USP54: variants seen among roughly 807,000 people sequenced by gnomAD.
USP54 encodes the protein ubiquitin specific peptidase 54.
A neutral mutation model predicts 170.5 loss-of-function variants in USP54; 87 were observed. The ratio of observed to expected loss-of-function variants is 0.51; its 90% confidence interval spans 0.43 to 0.61. USP54 has a LOEUF of 0.61. USP54 is among the 20% of genes least tolerant of loss of function. The pLI, the probability that USP54 is intolerant of heterozygous loss-of-function variation, is 0.00. For synonymous variants in USP54, 655 were observed against 742.8 expected, an observed-to-expected ratio of 0.88 and a Z score of 1.92; for missense variants, 1,786 against 2,047.8, an observed-to-expected ratio of 0.87 and a Z score of 2.47.
chr10:73,539,518 T>C lies in USP54; in HGVS notation c.901A>G (p.Lys301Glu). Residue 301 changes from lysine (K) to glutamate (E), a missense_variant, in exon 10 of 24, where the codon AAA (lysine) becomes GAA (glutamate). This residue lies in a region of USP54 where 361 missense variants were observed against 455.0 expected (regional missense o/e 0.79). Coordinates refer to ENST00000687698, the MANE Select transcript of USP54 (RefSeq NM_001391956.1). Reference protein sequence around the residue: ...YLVGMICYYGKHYSTFFFQTK... With the variant: ...YLVGMICYYGEHYSTFFFQTK... ...TGAAAAAAGAATGTAGAATAATGTTTGCCATAGTAACAGATCATTCCAACT... is the reference window on the plus strand; with the variant it reads ...TGAAAAAAGAATGTAGAATAATGTTCGCCATAGTAACAGATCATTCCAACT... The C allele has an allele frequency of 6.2e-7, 1 of 1,612,484 alleles. No homozygotes were observed. The highest frequency in any genetic ancestry group is 8.5e-7 in the Non-Finnish European group (1 of 1,178,918).
intron 12 of USP54, among the ~76,000 whole-genome samples, chr10:73,534,352 G>A (rs2064763470): frequency 6.6e-6 from 1 of 152,024 alleles, no homozygotes; most frequent in Admixed American, 6.6e-5. Flanking sequence ...GACTACAGGT[G>A]CCTGCCACCA....
At chr10:73,537,146 A>C (rs191032705) in intron 10 of USP54, among the ~76,000 whole-genome samples, 1 of 152,342 alleles carries the variant, frequency 6.6e-6, no homozygotes, top group East Asian at 1.9e-4. Context: ...GACAACTAGC[A>C]TAGTGATATG....
At chr10:73,625,342 T>C (rs1007526898) in intron 1 of USP54, among the ~76,000 whole-genome samples, 2 of 151,170 alleles carry the variant, frequency 1.3e-5, no homozygotes, top group Non-Finnish European at 2.9e-5. Flanking sequence ...ATCTCAAGAG[T>C]GTCCGTGGGG....
intron 1 of USP54, among the ~76,000 whole-genome samples, chr10:73,625,295 C>T (rs2081437189): frequency 6.7e-6 from 1 of 148,178 alleles, no homozygotes; most frequent in Non-Finnish European, 1.5e-5. Flanking sequence ...AAAGAACCTT[C>T]CCAACTAATA....
intron 16 of USP54, among the ~76,000 whole-genome samples, chr10:73,524,107 C>T (rs2062429921): frequency 6.7e-6 from 1 of 149,368 alleles, no homozygotes; most frequent in Admixed American, 6.7e-5. Context: ...GGGGTTTCAC[C>T]ATGTTGGTCA....
chr10:73,592,130 C>A (rs551530736), upstream of USP54, among the ~76,000 whole-genome samples: 4 of 151,930 alleles, frequency 2.6e-5, no homozygotes, highest in South Asian at 8.3e-4. Flanking sequence ...ATCAGTCAAC[C>A]GAGAACTTGC....
chr10:73,564,102 A>G (rs1280951618), intron 4 of USP54, among the ~76,000 whole-genome samples: 1 of 151,964 alleles, frequency 6.6e-6, no homozygotes, highest in Non-Finnish European at 1.5e-5. Flanking sequence ...CCTGGGCTCA[A>G]GTGAACCTCC....
intron 17 of USP54, 113 bp downstream of exon 17, chr10:73,523,470 A>C: frequency 7.6e-7 from 1 of 1,309,686 alleles, no homozygotes; most frequent in Non-Finnish European, 1.0e-6. Context: ...GTGAATTAAG[A>C]CTTAAAAAAT....
At chr10:73,594,794 G>T (rs181549750), upstream of USP54, among the ~76,000 whole-genome samples, 39 of 152,150 alleles carry the variant, frequency 2.6e-4, no homozygotes, top group African/African-American at 9.2e-4. Flanking sequence ...TAGCTAATAA[G>T]GAACCTAAGA....
chr10:73,605,949 G>A (rs189822658), intron 1 of USP54, among the ~76,000 whole-genome samples: 23 of 151,950 alleles, frequency 1.5e-4, no homozygotes, highest in Admixed American at 1.2e-3. Context: ...AGGCCAAGGC[G>A]GGTGGATCAC....
At chr10:73,625,357 TC>T (rs1036415218) in intron 1 of USP54, among the ~76,000 whole-genome samples, 1 of 151,956 alleles carries the variant, frequency 6.6e-6, no homozygotes, top group Non-Finnish European at 1.5e-5. Flanking sequence ...GTGGGGTATC[TC>T]TCCGGAAAGA....
At chr10:73,505,201 C>T in intron 21 of USP54, 107 bp downstream of exon 21, 2 of 1,261,236 alleles carry the variant, frequency 1.6e-6, no homozygotes, top group Non-Finnish European at 2.2e-6. Context: ...TCTGATAGCC[C>T]CATATCACCA....
rs1017622281 is a variant in USP54 at position 73,498,467 on chromosome 10, G to C, written c.*162C>G. ...ATTTTTTGTATTTTGGTAGAGACGG[G>C]GTTTCACCATGTTGGCCAGGATGGT... On this transcript the variant is annotated 3_prime_UTR_variant, in exon 24 of 24. Coordinates refer to ENST00000687698, the MANE Select transcript of USP54 (RefSeq NM_001391956.1). 9.1e-6 allele frequency: 5 copies of C among 552,166 alleles called. No homozygotes were observed. Among genetic ancestry groups the C allele is most frequent in the Non-Finnish European group, 1.4e-5 (5 of 346,684 alleles). 34.2% of individuals were successfully genotyped at this position (552,166 alleles called of 1,614,324 possible).
intron 1 of USP54, among the ~76,000 whole-genome samples, chr10:73,600,977 C>G (rs2079123877): frequency 6.6e-6 from 1 of 152,198 alleles, no homozygotes; most frequent in Admixed American, 6.5e-5. Flanking sequence ...GTACATCAAA[C>G]CCCTGTAACA....
Position 73,498,823 on chromosome 10 carries a change from C to G in USP54, c.4861G>C (p.Asp1621His), listed in dbSNP as rs2057456228. Residue 1621 changes from aspartate (D) to histidine (H), a missense_variant, in exon 24 of 24, where the codon GAT becomes CAT. By Grantham distance (81) the Asp-to-His change is moderately conservative. This residue lies in a region of USP54 where 1,418 missense variants were observed against 1,569.0 expected (regional missense o/e 0.90). Transcript: ENST00000687698. Reference protein sequence around the residue: ...HVPLRSAWNSDPVPGSRTPGP... With the variant: ...HVPLRSAWNSHPVPGSRTPGP... ...GGGGTTCGGGACCCTGGAACAGGAT[C>G]TGAATTCCAAGCTGACCTCAGGGGT... is the stretch of plus-strand genomic sequence containing the variant. 6.2e-7 allele frequency: 1 copy of G among 1,610,200 alleles called. No individual in the cohort carries two copies. Among genetic ancestry groups the G allele is most frequent in the African/African-American group, 1.3e-5 (1 of 74,614 alleles).
chr10:73,590,581 T>G (rs1056874147), intron 1 of USP54, among the ~76,000 whole-genome samples: 5 of 152,164 alleles, frequency 3.3e-5, no homozygotes, highest in Non-Finnish European at 7.3e-5. Context: ...AAAGTGATAT[T>G]TGACTCAATC....
intron 4 of USP54, among the ~76,000 whole-genome samples, chr10:73,547,051 T>A (rs2067997631): frequency 6.6e-6 from 1 of 152,216 alleles, no homozygotes; most frequent in Admixed American, 6.5e-5. Flanking sequence ...GCACATCACT[T>A]TTTAATTTTG....
At chr10:73,600,633 G>A (rs2079092742) in intron 1 of USP54, among the ~76,000 whole-genome samples, 1 of 152,170 alleles carries the variant, frequency 6.6e-6, no homozygotes, top group Admixed American at 6.5e-5. Flanking sequence ...CCTATCAGGG[G>A]CCAGGCGCAG....
At chr10:73,578,554 G>T (rs1420231195) in intron 1 of USP54, among the ~76,000 whole-genome samples, 1 of 152,212 alleles carries the variant, frequency 6.6e-6, no homozygotes, top group Non-Finnish European at 1.5e-5. Flanking sequence ...TGGGATTACA[G>T]GCATGTGCCA....
Sources: gnomAD v4.1 joint callset for allele counts (sites outside exome capture counted in the v4.1 genomes callset) on GRCh38, gnomAD v4.1.1 for gene constraint, gnomAD v4.1.1 regional missense constraint, MANE v1.5 for transcripts, NCBI Gene and HGNC (gene_info 2026-07-23, HGNC 2026-07-21) for gene names.